CPM: variants seen among roughly 807,000 people sequenced by gnomAD.
CPM encodes the protein carboxypeptidase M.
CPM carries 35 observed loss-of-function variants against 46.4 expected under a neutral mutation model. That is an observed-to-expected ratio of 0.75 (90% CI 0.58 to 1.00). CPM has a LOEUF of 1.00. Among genes scored for constraint, CPM ranks in the 50% least tolerant of loss-of-function variants. The probability of loss-of-function intolerance (pLI) is 0.00; values close to 1 mark genes in which losing one functional copy is unlikely to be tolerated. For missense variants in CPM, 422 were observed against 530.4 expected, an observed-to-expected ratio of 0.80 and a Z score of 2.01; for synonymous variants, 195 against 195.3, an observed-to-expected ratio of 1.00 and a Z score of 0.01.
chr12:68,937,588 G>A (rs1481839136), upstream of CPM, among the ~76,000 whole-genome samples: 4 of 151,264 alleles, frequency 2.6e-5, no homozygotes, highest in Non-Finnish European at 5.9e-5. Flanking sequence ...ATGTAGATCT[G>A]CATTTATTCA....
At chr12:68,876,412 C>T (rs948505671) in intron 3 of CPM, among the ~76,000 whole-genome samples, 3 of 152,172 alleles carry the variant, frequency 2.0e-5, no homozygotes, top group African/African-American at 7.2e-5. Flanking sequence ...TCTTCCCAAC[C>T]TTAATATAAA....
chr12:68,961,922 C>T (rs768039890), intron 1 of CPM, among the ~76,000 whole-genome samples: 37 of 151,996 alleles, frequency 2.4e-4, no homozygotes, highest in Non-Finnish European at 4.6e-4. Flanking sequence ...TAATAATGGC[C>T]GGGCGTGGTG....
chr12:68,952,508 G>T (rs1420577394), intron 1 of CPM, among the ~76,000 whole-genome samples: 2 of 152,166 alleles, frequency 1.3e-5, no homozygotes, highest in African/African-American at 4.8e-5. Flanking sequence ...TTTCAAGATG[G>T]GGACAGCAGT....
Position 68,853,431 on chromosome 12 carries a change from C to A in CPM, c.*3006G>T, listed in dbSNP as rs1173573969. The stretch of plus-strand genomic sequence containing the variant: ...TTGGTTATCATCTATTGCTGCTGCA[C>A]AAATTACCAGATTTCATAATTGGTT... On this transcript the variant is annotated 3_prime_UTR_variant, in exon 9 of 9. Coordinates refer to ENST00000551568, the MANE Select transcript of CPM (RefSeq NM_198320.5). The A allele has an allele frequency of 6.6e-6, 1 of 152,140 alleles. No homozygotes were observed. The highest frequency in any genetic ancestry group is 1.5e-5 in the Non-Finnish European group (1 of 68,036). 9.4% of individuals were successfully genotyped at this position (152,140 alleles called of 1,614,324 possible).
chr12:68,884,193 C>T (rs961115976), intron 3 of CPM, among the ~76,000 whole-genome samples: 30 of 148,456 alleles, frequency 2.0e-4, no homozygotes, highest in Admixed American at 1.2e-3. Context: ...AAAAGGGAAA[C>T]GCAGTCTGAG....
chr12:68,913,973 C>T, intron 2 of CPM: 1 of 718,308 alleles, frequency 1.4e-6, no homozygotes. Flanking sequence ...GTGTTTGATG[C>T]AGCTACACAG....
intron 6 of CPM, among the ~76,000 whole-genome samples, chr12:68,867,994 A>C (rs1885530597): frequency 6.6e-6 from 1 of 152,146 alleles, no homozygotes; most frequent in African/African-American, 2.4e-5. Flanking sequence ...TGGGCTCCTC[A>C]AGGCAGCTGG....
Position 68,856,736 on chromosome 12 carries a change from C to T in CPM, c.1090-57G>A, listed in dbSNP as rs1487286809. Reference sequence around the variant, plus strand: ...GACTTAAGATGGTTCGTGGTGCCCACACTGAAAACACTGATATCCATCACT... The same window carrying T: ...GACTTAAGATGGTTCGTGGTGCCCATACTGAAAACACTGATATCCATCACT... On this transcript the variant is annotated intron_variant, in intron 8 of 8. Transcript: ENST00000551568. 7.9e-5 allele frequency: 124 copies of T among 1,572,048 alleles called. 1 individual carries two copies. The Admixed American group carries it at 2.1e-3, about 26-fold the overall frequency.
chr12:68,909,389 C>G (rs1340729490), intron 2 of CPM, among the ~76,000 whole-genome samples: 1 of 151,854 alleles, frequency 6.6e-6, no homozygotes, highest in Non-Finnish European at 1.5e-5. Context: ...TTTTTTCACC[C>G]ATTAGAATGG....
chr12:68,890,173 G>C (rs1886597102), intron 2 of CPM, among the ~76,000 whole-genome samples: 1 of 152,030 alleles, frequency 6.6e-6, no homozygotes, highest in African/African-American at 2.4e-5. Context: ...GGAGTTTGAG[G>C]TTACAGTGAA....
At chr12:68,894,774 C>T (rs928746521) in intron 2 of CPM, among the ~76,000 whole-genome samples, 4 of 152,166 alleles carry the variant, frequency 2.6e-5, no homozygotes, top group African/African-American at 9.6e-5. Flanking sequence ...GTGGCTCATG[C>T]CTGTAATCCC....
chr12:68,918,836 A>C (rs976771719), intron 2 of CPM, among the ~76,000 whole-genome samples: 1 of 152,158 alleles, frequency 6.6e-6, no homozygotes, highest in African/African-American at 2.4e-5. Context: ...TCAGCAGCTA[A>C]AGTTATCTTT....
At chr12:68,865,099 T>C (rs1416708926) in intron 7 of CPM, among the ~76,000 whole-genome samples, 1 of 152,140 alleles carries the variant, frequency 6.6e-6, no homozygotes, top group Non-Finnish European at 1.5e-5. Flanking sequence ...AATGTTAGAC[T>C]AATACATGAC....
In CPM at chr12:68,856,200, A is replaced by G. The variant is rs1592629063; in HGVS notation, c.*237T>C. On this transcript the variant is annotated 3_prime_UTR_variant, in exon 9 of 9. Transcript: ENST00000551568. ...ACTACTTCAAGATTAATTTGAGTGT[A>G]AATGAGCAGTACTTGTTAGGTAAGT... 1 of 476,430 alleles carries G rather than the reference A, an allele frequency of 2.1e-6. No homozygotes were observed. Among genetic ancestry groups the G allele is most frequent in the East Asian group, 3.2e-5 (1 of 31,116 alleles). 29.5% of individuals were successfully genotyped at this position (476,430 alleles called of 1,614,324 possible).
intron 1 of CPM, among the ~76,000 whole-genome samples, chr12:68,939,141 A>C (rs1888720887): frequency 6.9e-6 from 1 of 145,808 alleles, no homozygotes; most frequent in Non-Finnish European, 1.5e-5. Flanking sequence ...ATATATGTAC[A>C]TATATCTATA....
intron 3 of CPM, among the ~76,000 whole-genome samples, chr12:68,878,538 G>A (rs1886053807): frequency 6.6e-6 from 1 of 152,132 alleles, no homozygotes; most frequent in Admixed American, 6.5e-5. Flanking sequence ...CAAGAGGACA[G>A]CTTTGACACC....
At chr12:68,953,573 A>G (rs7969929) in intron 1 of CPM, among the ~76,000 whole-genome samples, 25,158 of 152,180 alleles carry the variant, frequency 0.17, 2,187 homozygotes, top group Middle Eastern at 0.2. Context: ...TTCATTCACA[A>G]ACATTGCCCC....
chr12:68,864,120 G>C (rs1027718087), intron 7 of CPM, among the ~76,000 whole-genome samples: 1 of 152,178 alleles, frequency 6.6e-6, no homozygotes, highest in African/African-American at 2.4e-5. Flanking sequence ...TCTGATTATA[G>C]AGACAGGCAG....
At chr12:68,842,561 C>A (rs1396164922) in intron 5 of CPM, 1 of 346,188 alleles carries the variant, frequency 2.9e-6, no homozygotes, top group Non-Finnish European at 5.7e-6. Flanking sequence ...TTGATCGCAT[C>A]TCATTGTTAA....
Sources: allele counts gnomAD v4.1 joint callset (sites outside exome capture counted in the v4.1 genomes callset), GRCh38; gene constraint gnomAD v4.1.1; transcripts MANE v1.5; gene names NCBI Gene and HGNC (gene_info 2026-07-23, HGNC 2026-07-21).